Variants in GUCY1A2 observed in about 807,000 individuals in gnomAD.
GUCY1A2 encodes the protein guanylate cyclase 1 soluble subunit alpha 2.
Under a neutral mutation model 63.5 loss-of-function variants are expected in GUCY1A2, and 27 were observed. The observed-to-expected ratio is 0.43, with a 90% CI of 0.31 to 0.59. The LOEUF (loss-of-function observed/expected upper bound fraction) is 0.59, where lower values mean the gene tolerates loss of function less well. GUCY1A2 is among the 20% of genes least tolerant of loss of function. The pLI, the probability that GUCY1A2 is intolerant of heterozygous loss-of-function variation, is 0.11. For synonymous variants in GUCY1A2, 364 were observed against 343.5 expected, an observed-to-expected ratio of 1.06 and a Z score of -0.66; for missense variants, 768 against 913.3, an observed-to-expected ratio of 0.84 and a Z score of 2.05.
At chr11:106,780,469 G>A (rs1466761959) in intron 5 of GUCY1A2, among the ~76,000 whole-genome samples, 1 of 152,120 alleles carries the variant, frequency 6.6e-6, no homozygotes, top group Admixed American at 6.5e-5. Context: ...TGGGGTGGAG[G>A]GGAGAAACTG....
At position 106,681,425 on chromosome 11, in the gene GUCY1A2, CCTTA is replaced by C. The variant is rs775901219; in HGVS notation, c.*6120_*6123del. On this transcript the variant is annotated 3_prime_UTR_variant, in exon 8 of 8. Transcript: ENST00000526355. ...CTCATTTATCCATCCTTAACTTCTT[CCTTA>C]CTATTATATACTACAAAGATCCAAA... 4.0e-5 allele frequency: 9 copies of C among 224,814 alleles called. No homozygotes were observed. Among genetic ancestry groups the C allele is most frequent in the Non-Finnish European group, 7.1e-5 (8 of 112,772 alleles). The allele number at this position is 224,814 out of a possible 1,614,324, so 13.9% of individuals were successfully genotyped here. A position where few individuals can be genotyped will look rare whatever the true frequency, so the allele number is the denominator to read the frequency against.
At chr11:106,903,774 C>T (rs901088858) in intron 4 of GUCY1A2, among the ~76,000 whole-genome samples, 16 of 152,092 alleles carry the variant, frequency 1.1e-4, no homozygotes, top group African/African-American at 2.9e-4. Context: ...TACCATCAAG[C>T]CACAGAATGG....
intron 3 of GUCY1A2, among the ~76,000 whole-genome samples, chr11:106,971,648 T>C (rs1485157214): frequency 6.6e-6 from 1 of 152,142 alleles, no homozygotes; most frequent in Non-Finnish European, 1.5e-5. Flanking sequence ...TATTAACTCA[T>C]ATTTAGCATA....
intron 4 of GUCY1A2, among the ~76,000 whole-genome samples, chr11:106,881,310 G>A (rs1190537798): frequency 6.6e-6 from 1 of 152,002 alleles, no homozygotes; most frequent in Non-Finnish European, 1.5e-5. Flanking sequence ...ATCTAAATTG[G>A]TCATAGAACT....
intron 6 of GUCY1A2, among the ~76,000 whole-genome samples, chr11:106,718,964 C>A (rs905505628): frequency 9.9e-5 from 15 of 152,226 alleles, no homozygotes; most frequent in African/African-American, 3.6e-4. Context: ...GACATCCAGT[C>A]TTTGGCTATC....
chr11:106,958,946 G>A (rs1235924014), intron 3 of GUCY1A2, among the ~76,000 whole-genome samples: 2 of 152,168 alleles, frequency 1.3e-5, no homozygotes, highest in East Asian at 1.9e-4. Flanking sequence ...ATGTTAAGCT[G>A]AAAAAGGAAG....
At chr11:107,015,846 CAA>C (rs1008097382) in intron 1 of GUCY1A2, among the ~76,000 whole-genome samples, 7 of 152,038 alleles carry the variant, frequency 4.6e-5, no homozygotes, top group Admixed American at 1.3e-4. Context: ...GGAAGAACAG[CAA>C]AGAGTAGCCA....
intron 7 of GUCY1A2, among the ~76,000 whole-genome samples, chr11:106,696,983 C>T (rs1409216714): frequency 3.3e-5 from 5 of 152,002 alleles, no homozygotes; most frequent in Admixed American, 1.3e-4. Flanking sequence ...TCTTAATTTC[C>T]TTGTGGAAAA....
chr11:106,908,845 G>C (rs1860251002), intron 4 of GUCY1A2, among the ~76,000 whole-genome samples: 1 of 152,024 alleles, frequency 6.6e-6, no homozygotes, highest in South Asian at 2.1e-4. Context: ...GTAAAAAATA[G>C]GCTGGGGTCT....
At chr11:106,993,331 G>A (rs1861494488) in intron 1 of GUCY1A2, among the ~76,000 whole-genome samples, 2 of 152,086 alleles carry the variant, frequency 1.3e-5, no homozygotes, top group African/African-American at 4.8e-5. Context: ...TGCTTTCTTT[G>A]TAGGTAGGCC....
chr11:106,805,387 A>T (rs1215539839), intron 5 of GUCY1A2, among the ~76,000 whole-genome samples: 3 of 152,064 alleles, frequency 2.0e-5, no homozygotes, highest in Non-Finnish European at 4.4e-5. Context: ...TTTGGATTAC[A>T]GGCACCCACC....
chr11:106,933,125 TAAACTA>T (rs1860626575), intron 4 of GUCY1A2, among the ~76,000 whole-genome samples: 1 of 152,002 alleles, frequency 6.6e-6, no homozygotes, highest in Non-Finnish European at 1.5e-5. Context: ...GGGACCTAAT[TAAACTA>T]AAGAGCTTCT....
At chr11:106,891,279 T>C (rs1859970301) in intron 4 of GUCY1A2, among the ~76,000 whole-genome samples, 1 of 152,154 alleles carries the variant, frequency 6.6e-6, no homozygotes, top group African/African-American at 2.4e-5. Context: ...GATCAAGCCT[T>C]TGCTTTTATT....
chr11:106,874,620 A>G (rs1174982019), intron 4 of GUCY1A2, among the ~76,000 whole-genome samples: 1 of 152,078 alleles, frequency 6.6e-6, no homozygotes, highest in Non-Finnish European at 1.5e-5. Context: ...TTCTTTTCCA[A>G]AGAAGAATGC....
chr11:106,718,514 T>C (rs1863256458), intron 6 of GUCY1A2, among the ~76,000 whole-genome samples: 1 of 152,158 alleles, frequency 6.6e-6, no homozygotes, highest in South Asian at 2.1e-4. Flanking sequence ...TTAATGTGTA[T>C]GTTTTTATTT....
At chr11:106,971,592 G>A (rs1306680060) in intron 3 of GUCY1A2, among the ~76,000 whole-genome samples, 1 of 152,068 alleles carries the variant, frequency 6.6e-6, no homozygotes, top group Non-Finnish European at 1.5e-5. Context: ...AAGAGGGAAA[G>A]GTTAGAATGA....
intron 4 of GUCY1A2, among the ~76,000 whole-genome samples, chr11:106,847,719 G>T (rs895704368): frequency 3.3e-5 from 5 of 151,622 alleles, no homozygotes; most frequent in South Asian, 2.1e-4. Flanking sequence ...TTTGAAAGGT[G>T]TATAAATCCA....
chr11:106,766,832 A>G (rs1207343927), intron 6 of GUCY1A2, among the ~76,000 whole-genome samples: 1 of 152,092 alleles, frequency 6.6e-6, no homozygotes, highest in African/African-American at 2.4e-5. Flanking sequence ...TTAAAAACCC[A>G]TTCAAAAACA....
chr11:106,906,455 G>A (rs911083566), intron 4 of GUCY1A2, among the ~76,000 whole-genome samples: 3 of 152,180 alleles, frequency 2.0e-5, no homozygotes, highest in African/African-American at 7.2e-5. Context: ...TGCTGGTGAG[G>A]CTGTGGAGAA....
Sources: gnomAD v4.1 joint callset for allele counts (sites outside exome capture counted in the v4.1 genomes callset) on GRCh38, gnomAD v4.1.1 for gene constraint, MANE v1.5 for transcripts, NCBI Gene and HGNC (gene_info 2026-07-23, HGNC 2026-07-21) for gene names.